Variants in EXD1 observed in about 807,000 individuals in gnomAD.
The protein encoded by EXD1 is exonuclease 3'-5' domain containing 1.
In EXD1, 63 loss-of-function variants were observed where a neutral mutation model predicts 49.1. That is an observed-to-expected ratio of 1.28 (90% CI 1.05 to 1.58). The LOEUF (loss-of-function observed/expected upper bound fraction) is 1.58. Ranked by LOEUF, EXD1 falls within the 40% of genes most tolerant of loss-of-function variation. The pLI is 0.00. For missense variants in EXD1, 748 were observed against 666.0 expected, an observed-to-expected ratio of 1.12 and a Z score of -1.36; for synonymous variants, 234 against 239.2, an observed-to-expected ratio of 0.98 and a Z score of 0.20.
chr15:41,190,758 A>G (rs903653566), intron 10 of EXD1, among the ~76,000 whole-genome samples: 14 of 152,324 alleles, frequency 9.2e-5, no homozygotes, highest in African/African-American at 3.4e-4. Context: ...TTTGCATGCA[A>G]GGATGTCAGA....
At chr15:41,213,023 A>T (rs902602680) in intron 6 of EXD1, among the ~76,000 whole-genome samples, 1 of 149,538 alleles carries the variant, frequency 6.7e-6, no homozygotes, top group Non-Finnish European at 1.5e-5. Flanking sequence ...CCTGGGTGAC[A>T]GAGCAAGACC....
At chr15:41,188,754 A>G (rs2140805710) in intron 11 of EXD1, among the ~76,000 whole-genome samples, 1 of 149,222 alleles carries the variant, frequency 6.7e-6, no homozygotes, top group East Asian at 2.0e-4. Context: ...AATGATTGAA[A>G]TTCTCAGTTT....
At chr15:41,224,501 G>A (rs568776617) in intron 2 of EXD1, among the ~76,000 whole-genome samples, 1 of 152,160 alleles carries the variant, frequency 6.6e-6, no homozygotes, top group South Asian at 2.1e-4. Context: ...TCTATATATT[G>A]AAGCTTCCAG....
In EXD1 at chr15:41,214,907, G is replaced by A. The variant is rs867740400; in HGVS notation, c.447+868C>T. Among the ~76,000 whole-genome samples, 6 of 151,986 alleles carry A rather than the reference G, an allele frequency of 3.9e-5. No homozygotes were observed. In the South Asian group the frequency reaches 8.3e-4, roughly 21 times the overall value. ...ACTACAGGCGCCTGCCAGCATGCCC[G>A]GCTATTTTTTTGTATTTTTAGTAGA... On this transcript the variant is annotated intron_variant, in intron 6 of 11. Coordinates refer to ENST00000458580, the MANE Select transcript of EXD1 (RefSeq NM_001286441.2).
chr15:41,208,519 G>A (rs986254784), intron 7 of EXD1, among the ~76,000 whole-genome samples: 2 of 151,972 alleles, frequency 1.3e-5, no homozygotes, highest in Non-Finnish European at 2.9e-5. Flanking sequence ...TTGGGAGGCC[G>A]AGGTGGGTGG....
intron 7 of EXD1, among the ~76,000 whole-genome samples, chr15:41,207,151 G>A (rs113062506): frequency 0.1 from 15,582 of 151,380 alleles, 1,106 homozygotes; most frequent in East Asian, 0.2. Flanking sequence ...TGAGGCAGGA[G>A]AATCGCTTGA....
At chr15:41,206,618 CTTTTTT>C (rs764744329) in intron 7 of EXD1, among the ~76,000 whole-genome samples, 1 of 101,192 alleles carries the variant, frequency 9.9e-6, no homozygotes, top group African/African-American at 3.7e-5. Context: ...TTATTCAATT[CTTTTTT>C]TTTTTTTTTT....
chr15:41,209,460 T>C (rs766924940), intron 7 of EXD1, 41 bp downstream of exon 7: 9 of 1,571,638 alleles, frequency 5.7e-6, no homozygotes, highest in Non-Finnish European at 7.8e-6. Flanking sequence ...CCAGTGGCTC[T>C]ATAATTACTT....
At chr15:41,199,697 T>TAATATATCATATGTGATATA (rs2046678541) in intron 7 of EXD1, among the ~76,000 whole-genome samples, 1 of 38,734 alleles carries the variant, frequency 2.6e-5, no homozygotes, top group Non-Finnish European at 6.0e-5. Flanking sequence ...ATGAGATATA[T>TAATATATCATATGTGATATA]TACATATATC....
chr15:41,189,319 G>C (rs2046467619), intron 11 of EXD1, among the ~76,000 whole-genome samples: 1 of 151,738 alleles, frequency 6.6e-6, no homozygotes, highest in South Asian at 2.1e-4. Flanking sequence ...AGTGAGCTGA[G>C]ATCATACCAC....
rs370998037 is a variant in EXD1, at chr15:41,189,993, C to A, written c.1000G>T (p.Asp334Tyr). Residue 334 changes from aspartate to tyrosine, a missense_variant, in exon 11 of 12, where the codon GAT (aspartate) becomes TAT (tyrosine). Coordinates refer to ENST00000458580, the MANE Select transcript of EXD1 (RefSeq NM_001286441.2). ...TCGCGATACGTGTTTAGGTAACCAT[C>A]CACCAGGGTGGTTAGGTCAGACATC... ...EMMSDLTTLV[D>Y]GYLNTYREGS... is the part of the protein sequence containing the mutation. The A allele has an allele frequency of 1.9e-6, 3 of 1,613,938 alleles. No individual in the cohort carries two copies. The African/African-American group carries it at 4.0e-5, about 22-fold the overall frequency.
intron 3 of EXD1, 73 bp downstream of exon 3, chr15:41,219,757 T>C (rs2047057312): frequency 1.5e-6 from 2 of 1,291,952 alleles, no homozygotes. Flanking sequence ...AAGCACAACA[T>C]TAAGACAAGA....
rs761782544 is a variant in EXD1, at chr15:41,230,489, G to A, written c.-64C>T. The A allele has an allele frequency of 9.3e-6, 15 of 1,613,966 alleles. No individual in the cohort carries two copies. Among genetic ancestry groups the A allele is most frequent in the Non-Finnish European group, 1.3e-5 (15 of 1,179,828 alleles). ...AAATAAATGGCGGACCATAAGCTAG[G>A]AATTCACTGTCCTCCATCGTTAGGG... On this transcript the variant is annotated 5_prime_UTR_variant, in exon 1 of 12. Coordinates refer to ENST00000458580, the MANE Select transcript of EXD1 (RefSeq NM_001286441.2).
intron 1 of EXD1, among the ~76,000 whole-genome samples, chr15:41,229,471 G>T (rs1393914896): frequency 2.0e-5 from 3 of 150,196 alleles, no homozygotes; most frequent in Non-Finnish European, 3.0e-5. Flanking sequence ...GGACTCTGTC[G>T]CAAAAAAACA....
chr15:41,228,045 T>C (rs1297511534), intron 1 of EXD1, among the ~76,000 whole-genome samples: 4 of 152,168 alleles, frequency 2.6e-5, no homozygotes, highest in Non-Finnish European at 5.9e-5. Flanking sequence ...AGTGAAACTC[T>C]GTCTCAAAAA....
chr15:41,216,740 A>G lies in EXD1; in HGVS notation c.316T>C (p.Cys106Arg). 2 of 1,613,924 alleles carry G rather than the reference A, an allele frequency of 1.2e-6. No individual in the cohort carries two copies. Among genetic ancestry groups the G allele is most frequent in the African/African-American group, 1.3e-5 (1 of 75,058 alleles). Residue 106 changes from cysteine (C) to arginine (R), a missense_variant, in exon 5 of 12, where the codon TGT becomes CGT. Physicochemically the swap from Cys to Arg is radical, Grantham distance 180. Coordinates refer to ENST00000458580, the MANE Select transcript of EXD1 (RefSeq NM_001286441.2). ...TCAGGGGCAGGAGAAGCAGGCTCACATACATTTAGGTCTTCAACTTTCATT... is the reference window on the plus strand; with the variant it reads ...TCAGGGGCAGGAGAAGCAGGCTCACGTACATTTAGGTCTTCAACTTTCATT... ...EKMKVEDLNVCEPASPAPEAP... is the reference protein window; with the variant it reads ...EKMKVEDLNVREPASPAPEAP...
chr15:41,217,794 TAA>T (rs1220920622), intron 3 of EXD1, among the ~76,000 whole-genome samples: 6 of 152,034 alleles, frequency 3.9e-5, no homozygotes, highest in African/African-American at 1.4e-4. Flanking sequence ...TCAGCCTCCC[TAA>T]GTGCTGGGAT....
intron 11 of EXD1, 130 bp downstream of exon 11, chr15:41,189,807 C>T (rs62001382): frequency 0.011 from 8,672 of 817,426 alleles, 86 homozygotes; most frequent in Admixed American, 0.016. Flanking sequence ...CAAGCTGTTG[C>T]CCCTTCAAGA....
intron 11 of EXD1, 44 bp downstream of exon 11, chr15:41,189,893 G>A (rs574706613): frequency 5.1e-6 from 8 of 1,571,994 alleles, no homozygotes; most frequent in Non-Finnish European, 7.0e-6. Context: ...TGCCTTCCTT[G>A]AGAAGGCAGA....
Sources: allele counts gnomAD v4.1 joint callset (sites outside exome capture counted in the v4.1 genomes callset), GRCh38; gene constraint gnomAD v4.1.1; transcripts MANE v1.5; gene names NCBI Gene and HGNC (gene_info 2026-07-23, HGNC 2026-07-21).